The following NRCAM variants were observed in gnomAD, a reference collection of about 807,000 sequenced individuals.
NRCAM encodes the protein neuronal cell adhesion molecule.
NRCAM carries 83 observed loss-of-function variants against 156.5 expected under a neutral mutation model. That is an observed-to-expected ratio of 0.53 (90% confidence interval 0.44 to 0.64). The LOEUF is 0.64. Ranked by LOEUF, NRCAM falls within the 30% of genes least tolerant of loss-of-function variation. The pLI, the probability that NRCAM is intolerant of heterozygous loss-of-function variation, is 0.00. For synonymous variants in NRCAM, 538 were observed against 563.9 expected (o/e 0.95, Z 0.65); for missense variants, 1,417 against 1,597.3 (o/e 0.89, Z 1.92).
rs535647239 is a variant in NRCAM, at chr7:108,253,064, C to A, written c.-106-12894G>T. ...TCATTTTTACTTAGAAGCTTTAAAG[C>A]TGCAGCATTATCTCAGCGTCTAAGG... On this transcript the variant is annotated intron_variant, in intron 3 of 32. Transcript: ENST00000379028. 5.9e-5 allele frequency among the ~76,000 whole-genome samples: 9 copies of A among 152,328 alleles called. No homozygotes were observed. The East Asian group carries it at 1.7e-3, about 29-fold the overall frequency.
At chr7:108,344,179 C>G (rs1180084235) in intron 2 of NRCAM, among the ~76,000 whole-genome samples, 1 of 152,174 alleles carries the variant, frequency 6.6e-6, no homozygotes, top group African/African-American at 2.4e-5. Context: ...AGAGACAGGA[C>G]TAGCTGGATT....
At chr7:108,349,273 C>CT (rs1334000460) in intron 2 of NRCAM, among the ~76,000 whole-genome samples, 2,182 of 144,262 alleles carry the variant, frequency 0.015, 22 homozygotes, top group East Asian at 0.049. Flanking sequence ...GTTATGAACT[C>CT]TTTTTTTTTT....
At chr7:108,172,499 T>TTGC (rs1463575603) in intron 28 of NRCAM, among the ~76,000 whole-genome samples, 1 of 152,194 alleles carries the variant, frequency 6.6e-6, no homozygotes, top group Non-Finnish European at 1.5e-5. Flanking sequence ...TTTCACCATG[T>TTGC]TGGCCAGGCT....
chr7:108,321,581 C>A (rs2099001778), intron 2 of NRCAM, among the ~76,000 whole-genome samples: 1 of 152,124 alleles, frequency 6.6e-6, no homozygotes, highest in Non-Finnish European at 1.5e-5. Context: ...TTAGAGGGGG[C>A]AAAACATACA....
chr7:108,149,834 A>T lies in NRCAM; in HGVS notation c.*76T>A. The T allele has an allele frequency of 1.7e-6, 2 of 1,146,484 alleles. No homozygotes were observed. Among genetic ancestry groups the T allele is most frequent in the Non-Finnish European group, 2.5e-6 (2 of 789,034 alleles). 71.0% of individuals were successfully genotyped at this position (1,146,484 alleles called of 1,614,324 possible). A position where few individuals can be genotyped will look rare whatever the true frequency, so the allele number is the denominator to read the frequency against. On this transcript the variant is annotated 3_prime_UTR_variant, in exon 33 of 33. Transcript: ENST00000379028. ...ATATACTCTCTACCCATATGTTCAT[A>T]GTATGAGAGGGCTGACAAACAAGTG...
intron 3 of NRCAM, among the ~76,000 whole-genome samples, chr7:108,241,769 C>A (rs1182475916): frequency 6.6e-6 from 1 of 151,892 alleles, no homozygotes; most frequent in African/African-American, 2.4e-5. Context: ...TATGATCTAC[C>A]CAAGGCTGTA....
At chr7:108,203,973 C>T (rs960079571) in intron 13 of NRCAM, among the ~76,000 whole-genome samples, 1 of 152,140 alleles carries the variant, frequency 6.6e-6, no homozygotes, top group Non-Finnish European at 1.5e-5. Context: ...GCAGACTGTG[C>T]CCTCAGTTCC....
rs2099136197 is a variant in NRCAM, at chr7:108,332,431, C to G, written c.-173-19700G>C. Among the ~76,000 whole-genome samples, 1 of 152,262 alleles carries G rather than the reference C, an allele frequency of 6.6e-6. No homozygotes were observed. On this transcript the variant is annotated intron_variant, in intron 2 of 32. Coordinates refer to ENST00000379028, the MANE Select transcript of NRCAM (RefSeq NM_001037132.4). ...AATGAAATTTGCTTTTTTGTGAAGA[C>G]AGTCATCTCACATTCATTAATTCTC...
rs1554503979 is a variant in NRCAM at position 108,318,039 on chromosome 7, C to CCTTT, written c.-173-5309_-173-5308insAAAG. ...GGAGGGACCTGGAAATTCACTTTTC[C>CCTTT]TTTTTTTTTTTTTTTTTTTTTTTTG... On this transcript the variant is annotated intron_variant, in intron 2 of 32. Coordinates refer to ENST00000379028, the MANE Select transcript of NRCAM (RefSeq NM_001037132.4). 3.0e-3 allele frequency among the ~76,000 whole-genome samples: 217 copies of CCTTT among 72,894 alleles called. 2 individuals carry two copies. The highest frequency in any genetic ancestry group is 0.012 in the African/African-American group (212 of 17,300). 47.8% of individuals were successfully genotyped at this position (72,894 alleles called of 152,430 possible).
chr7:108,177,699 A>G (rs1157008633), intron 26 of NRCAM, among the ~76,000 whole-genome samples: 1 of 27,342 alleles, frequency 3.7e-5, no homozygotes, highest in African/African-American at 5.8e-5. Context: ...ATATATATAC[A>G]CGTATATATA....
At chr7:108,403,576 C>T (rs372077397) in intron 1 of NRCAM, among the ~76,000 whole-genome samples, 11 of 152,120 alleles carry the variant, frequency 7.2e-5, no homozygotes, top group South Asian at 2.1e-4. Flanking sequence ...GCTACATAAA[C>T]GGACATGACC....
intron 2 of NRCAM, chr7:108,328,363 G>C (rs774284482): frequency 2.0e-5 from 3 of 152,180 alleles, no homozygotes; most frequent in Non-Finnish European, 2.9e-5. Flanking sequence ...AAACCAGCCA[G>C]TCTCTGGACT....
chr7:108,290,486 A>G (rs1479817691), intron 3 of NRCAM, among the ~76,000 whole-genome samples: 6 of 152,168 alleles, frequency 3.9e-5, no homozygotes, highest in Admixed American at 1.3e-4. Context: ...TTTAAAAAGG[A>G]ATCATTTAGA....
At chr7:108,447,581 T>C (rs1414499753) in intron 1 of NRCAM, among the ~76,000 whole-genome samples, 1 of 152,118 alleles carries the variant, frequency 6.6e-6, no homozygotes, top group Non-Finnish European at 1.5e-5. Flanking sequence ...AGTTCACATT[T>C]TCATATGCTA....
intron 1 of NRCAM, among the ~76,000 whole-genome samples, chr7:108,428,434 T>C (rs541159625): frequency 3.5e-4 from 53 of 152,340 alleles, no homozygotes; most frequent in Admixed American, 2.0e-3. Context: ...GAGACCAACC[T>C]GCTGCCCCAA....
At chr7:108,404,795 T>C (rs1210254166) in intron 1 of NRCAM, among the ~76,000 whole-genome samples, 3 of 152,194 alleles carry the variant, frequency 2.0e-5, no homozygotes, top group African/African-American at 4.8e-5. Context: ...CAGAAAGTGA[T>C]AAACACAATG....
At chr7:108,340,095 A>G in intron 2 of NRCAM, among the ~76,000 whole-genome samples, 1 of 152,172 alleles carries the variant, frequency 6.6e-6, no homozygotes, top group Non-Finnish European at 1.5e-5. Context: ...AAAAAGTGTG[A>G]TTTATGCCCT....
chr7:108,442,180 G>C (rs769118321), intron 1 of NRCAM, among the ~76,000 whole-genome samples: 1 of 152,172 alleles, frequency 6.6e-6, no homozygotes, highest in African/African-American at 2.4e-5. Flanking sequence ...AGGTGGCTGA[G>C]GTGGTATGAT....
intron 2 of NRCAM, among the ~76,000 whole-genome samples, chr7:108,372,545 A>G (rs1449212382): frequency 1.4e-5 from 2 of 147,714 alleles, no homozygotes; most frequent in Admixed American, 6.9e-5. Context: ...TAAGGACTTG[A>G]GCAGACATTT....
Sources: allele counts gnomAD v4.1 joint callset (sites outside exome capture counted in the v4.1 genomes callset), GRCh38; gene constraint gnomAD v4.1.1; transcripts MANE v1.5; gene names NCBI Gene and HGNC (gene_info 2026-07-23, HGNC 2026-07-21).